Variants in SLC24A2 observed in about 807,000 individuals in gnomAD.
The protein encoded by SLC24A2 is sodium/potassium/calcium exchanger 2.
SLC24A2 carries 36 observed loss-of-function variants against 62.0 expected under a neutral mutation model. The ratio of observed to expected loss-of-function variants is 0.58; its 90% confidence interval spans 0.44 to 0.77. The LOEUF (loss-of-function observed/expected upper bound fraction) is 0.77. Ranked by LOEUF, SLC24A2 falls within the 30% of genes least tolerant of loss-of-function variation. The pLI is 0.00. For synonymous variants in SLC24A2, 358 were observed against 294.0 expected (o/e 1.22, Z -2.23); for missense variants, 846 against 817.9 (o/e 1.03, Z -0.42).
chr9:19,947,895 A>G, the SLC24A2 span, among the ~76,000 whole-genome samples: 11 of 152,212 alleles, frequency 7.2e-5, no homozygotes, highest in South Asian at 2.3e-3. Context: ...TAGATTTTAC[A>G]GAGCAACCCA....
the SLC24A2 span, among the ~76,000 whole-genome samples, chr9:20,186,043 C>G: frequency 3.0e-4 from 46 of 152,046 alleles, no homozygotes; most frequent in Non-Finnish European, 1.8e-4. Context: ...TGTTTAGGAG[C>G]CTTGGAGTTC....
chr9:20,301,648 T>C, the SLC24A2 span, among the ~76,000 whole-genome samples: 4 of 151,596 alleles, frequency 2.6e-5, no homozygotes, highest in African/African-American at 9.7e-5. Context: ...AGATTTCCAA[T>C]ATACTCCATG....
chr9:19,579,718 A>G lies in SLC24A2; in HGVS notation c.1130-2696T>C, dbSNP rs537342887. Among the ~76,000 whole-genome samples the G allele has an allele frequency of 3.3e-5, 5 of 152,358 alleles. No individual in the cohort carries two copies. The South Asian group carries it at 6.2e-4, about 19-fold the overall frequency. ...AATAACTCAACTCAAATAATGTCCT[A>G]AAGTCATGAATCATGACACAGAAAA... is the stretch of plus-strand genomic sequence containing the variant. On this transcript the variant is annotated intron_variant, in intron 5 of 10. Coordinates refer to ENST00000341998, the MANE Select transcript of SLC24A2 (RefSeq NM_020344.4).
chr9:20,108,992 C>T, the SLC24A2 span, among the ~76,000 whole-genome samples: 1 of 152,066 alleles, frequency 6.6e-6, no homozygotes, highest in Non-Finnish European at 1.5e-5. Context: ...TTAACTGTAC[C>T]TTTTCCATGT....
rs745328350 is a variant in SLC24A2, at chr9:19,554,582, ACT to A, written c.1348-4316_1348-4315del. ...GCTTTTACCTAGGCTTGGAATAAAGACTCTGGTTTTCAGCCTTCTCGGCAAGG... is the reference window on the plus strand; with the variant it reads ...GCTTTTACCTAGGCTTGGAATAAAGACTGGTTTTCAGCCTTCTCGGCAAGG... On this transcript the variant is annotated intron_variant, in intron 7 of 10. Coordinates refer to ENST00000341998, the MANE Select transcript of SLC24A2 (RefSeq NM_020344.4). Among the ~76,000 whole-genome samples, 8 of 152,166 alleles carry A rather than the reference ACT, an allele frequency of 5.3e-5. No homozygotes were observed. The East Asian group carries it at 9.7e-4, about 18-fold the overall frequency.
intron 6 of SLC24A2, among the ~76,000 whole-genome samples, chr9:19,575,971 T>A (rs75480313): frequency 2.2e-5 from 3 of 138,508 alleles, no homozygotes; most frequent in East Asian, 2.1e-4. Context: ...AGCAGAAAAA[T>A]ATATATATAA....
the SLC24A2 span, among the ~76,000 whole-genome samples, chr9:20,042,027 G>C: frequency 2.6e-5 from 4 of 152,216 alleles, no homozygotes; most frequent in Non-Finnish European, 5.9e-5. Flanking sequence ...CCTGTGGTGG[G>C]GAGCCTGTCA....
chr9:19,698,848 G>C (rs1820272714), intron 2 of SLC24A2, among the ~76,000 whole-genome samples: 2 of 152,136 alleles, frequency 1.3e-5, no homozygotes, highest in South Asian at 4.1e-4. Context: ...CACTGCTCTA[G>C]CACTTTGCTC....
chr9:19,681,463 C>T (rs1819720888), intron 2 of SLC24A2, among the ~76,000 whole-genome samples: 1 of 152,068 alleles, frequency 6.6e-6, no homozygotes, highest in Non-Finnish European at 1.5e-5. Flanking sequence ...TATACTATGG[C>T]TCCCTCTTCC....
chr9:20,179,216 C>T, the SLC24A2 span, among the ~76,000 whole-genome samples: 27 of 152,248 alleles, frequency 1.8e-4, no homozygotes, highest in South Asian at 3.7e-3. Context: ...CTGTGCCTTG[C>T]TTGTCTGGAA....
At chr9:19,917,282 C>T in the SLC24A2 span, among the ~76,000 whole-genome samples, 1 of 149,148 alleles carries the variant, frequency 6.7e-6, no homozygotes, top group East Asian at 2.0e-4. Flanking sequence ...AATTTTTAGC[C>T]ATAATATTTT....
At chr9:20,215,876 C>G in the SLC24A2 span, among the ~76,000 whole-genome samples, 1 of 152,160 alleles carries the variant, frequency 6.6e-6, no homozygotes, top group East Asian at 1.9e-4. Context: ...GTCCACCACC[C>G]AGAGAGAAAG....
Position 19,764,597 on chromosome 9 carries a change from T to A in SLC24A2, c.930+21340A>T, listed in dbSNP as rs1302335636. On this transcript the variant is annotated intron_variant, in intron 2 of 10. Coordinates refer to ENST00000341998, the MANE Select transcript of SLC24A2 (RefSeq NM_020344.4). ...TCAGGAGCAAGTTATTCAATTTCCA[T>A]GTAATTGTGTGGTTTTGAGTGAGTT... Among the ~76,000 whole-genome samples the A allele has an allele frequency of 2.0e-5, 3 of 152,230 alleles. No individual in the cohort carries two copies. In the East Asian group the frequency reaches 5.8e-4, roughly 29 times the overall value.
chr9:19,995,405 G>A, the SLC24A2 span, among the ~76,000 whole-genome samples: 1 of 152,104 alleles, frequency 6.6e-6, no homozygotes. Context: ...TGGCTCTGGG[G>A]AAGGAAAGAA....
At chr9:19,745,056 A>G (rs1013125806) in intron 2 of SLC24A2, among the ~76,000 whole-genome samples, 2 of 152,206 alleles carry the variant, frequency 1.3e-5, no homozygotes, top group African/African-American at 4.8e-5. Context: ...TCACAGGGAC[A>G]GATCTCTTAT....
the SLC24A2 span, among the ~76,000 whole-genome samples, chr9:19,936,261 T>A: frequency 2.3e-3 from 345 of 152,276 alleles, 7 homozygotes; most frequent in East Asian, 0.06. Context: ...GTGTTGTTAG[T>A]TATCTTCGAT....
At chr9:19,956,192 C>T in the SLC24A2 span, among the ~76,000 whole-genome samples, 1 of 152,174 alleles carries the variant, frequency 6.6e-6, no homozygotes, top group Non-Finnish European at 1.5e-5. Context: ...TCCTAGGTCC[C>T]CCTAACTGAC....
At chr9:19,801,708 G>T in the SLC24A2 span, among the ~76,000 whole-genome samples, 2 of 152,202 alleles carry the variant, frequency 1.3e-5, no homozygotes, top group African/African-American at 2.4e-5. Flanking sequence ...GACTGGTCAG[G>T]TGTGAGCTAA....
At chr9:19,853,948 G>A in the SLC24A2 span, among the ~76,000 whole-genome samples, 1 of 152,102 alleles carries the variant, frequency 6.6e-6, no homozygotes, top group Non-Finnish European at 1.5e-5. Context: ...GCTTTTTCTT[G>A]TTGGTAGGCT....
Sources: gnomAD v4.1 joint callset for allele counts (sites outside exome capture counted in the v4.1 genomes callset) on GRCh38, gnomAD v4.1.1 for gene constraint, MANE v1.5 for transcripts, NCBI Gene and HGNC (gene_info 2026-07-23, HGNC 2026-07-21) for gene names.